Variants in FRAS1 observed in about 807,000 individuals in gnomAD.
FRAS1 encodes the protein Fraser extracellular matrix complex subunit 1.
Under a neutral mutation model 435.2 loss-of-function variants are expected in FRAS1, and 290 were observed. The ratio of observed to expected loss-of-function variants is 0.67; its 90% CI spans 0.61 to 0.73. The LOEUF (loss-of-function observed/expected upper bound fraction) is 0.73, where lower values mean the gene tolerates loss of function less well. Among genes scored for constraint, FRAS1 ranks in the 30% least tolerant of loss-of-function variants. The probability of loss-of-function intolerance (pLI) is 0.00; values close to 1 mark genes in which losing one functional copy is unlikely to be tolerated. For synonymous variants in FRAS1, 1,800 were observed against 1,851.0 expected (o/e 0.97, Z 0.71); for missense variants, 4,860 against 5,001.5 (o/e 0.97, Z 0.85).
chr4:78,248,834 A>G (rs1016331341), intron 4 of FRAS1, among the ~76,000 whole-genome samples: 3 of 151,758 alleles, frequency 2.0e-5, no homozygotes, highest in African/African-American at 7.3e-5. Context: ...AGGAGAATAT[A>G]TTTAAGATGT....
intron 2 of FRAS1, among the ~76,000 whole-genome samples, chr4:78,203,469 A>T (rs749822368): frequency 2.0e-5 from 3 of 152,218 alleles, no homozygotes; most frequent in Non-Finnish European, 2.9e-5. Flanking sequence ...GAAAAATTTG[A>T]GTCTCTTGAA....
At chr4:78,288,580 C>G (rs1210625067) in intron 14 of FRAS1, among the ~76,000 whole-genome samples, 2 of 152,126 alleles carry the variant, frequency 1.3e-5, no homozygotes, top group Non-Finnish European at 2.9e-5. Context: ...ACACAAATGC[C>G]TCTAGTAGAA....
At chr4:78,489,968 C>CAAAACA (rs1553891076) in intron 59 of FRAS1, among the ~76,000 whole-genome samples, 1 of 92,598 alleles carries the variant, frequency 1.1e-5, no homozygotes, top group Non-Finnish European at 2.1e-5. Flanking sequence ...TAGTGGAAAA[C>CAAAACA]AAAAAAAAAA....
chr4:78,375,769 A>G lies in FRAS1; in HGVS notation c.3182A>G (p.His1061Arg). The G allele has an allele frequency of 6.2e-7, 1 of 1,608,116 alleles. No homozygotes were observed. The highest frequency in any genetic ancestry group is 8.5e-7 in the Non-Finnish European group (1 of 1,176,930). ...ACPQGCLQCS[H>R]RDRCHLCDHG... is the part of the protein sequence containing the mutation. ...CCTCAGGGGTGCTTGCAGTGCAGCC[A>G]CAGGGACCGTTGTCACCTCTGTGAC... Residue 1061 changes from histidine (H) to arginine (R), a missense_variant, in exon 26 of 74, where the codon CAC becomes CGC. His to Arg is a conservative substitution (Grantham distance 29). Transcript: ENST00000512123.
chr4:78,452,106 C>T (rs1229937316), intron 46 of FRAS1, 69 bp from the exon 47 acceptor site: 2 of 1,514,546 alleles, frequency 1.3e-6, no homozygotes, highest in Non-Finnish European at 9.1e-7. Flanking sequence ...CTTCTTGGCA[C>T]CAGGCCTAGA....
intron 35 of FRAS1, among the ~76,000 whole-genome samples, chr4:78,428,128 A>G (rs561888865): frequency 2.9e-4 from 44 of 152,330 alleles, no homozygotes; most frequent in Middle Eastern, 3.4e-3. Flanking sequence ...GGGTGAGGCA[A>G]TTCTGCTCTC....
Position 78,317,459 on chromosome 4 carries a change from T to G in FRAS1, c.1911T>G (p.Cys637Trp). Residue 637 changes from cysteine (C) to tryptophan (W), a missense_variant, in exon 17 of 74, where the codon TGT (cysteine) becomes TGG (tryptophan). Physicochemically the swap from Cys to Trp is radical, Grantham distance 215. Coordinates refer to ENST00000512123, the MANE Select transcript of FRAS1 (RefSeq NM_025074.7). Reference sequence around the variant, plus strand: ...CCAAGGCTCTGCGTCAAGGCCACTGTCTGCCCCGCTGTGGAGAGGGTTTCT... The same window carrying G: ...CCAAGGCTCTGCGTCAAGGCCACTGGCTGCCCCGCTGTGGAGAGGGTTTCT... ...SPPKALRQGH[C>W]LPRCGEGFYS... 1 of 1,613,892 alleles carries G rather than the reference T, an allele frequency of 6.2e-7. No homozygotes were observed. Among genetic ancestry groups the G allele is most frequent in the South Asian group, 1.1e-5 (1 of 91,076 alleles).
intron 2 of FRAS1, among the ~76,000 whole-genome samples, chr4:78,173,569 A>G (rs1721643429): frequency 6.6e-6 from 1 of 152,178 alleles, no homozygotes; most frequent in African/African-American, 2.4e-5. Flanking sequence ...TGCCTTCTAC[A>G]CATGAGAGGC....
intron 61 of FRAS1, among the ~76,000 whole-genome samples, chr4:78,502,121 C>T (rs1222720599): frequency 6.6e-6 from 1 of 152,130 alleles, no homozygotes; most frequent in African/African-American, 2.4e-5. Context: ...GTTACTGTAG[C>T]CATGTAGTAT....
At position 78,446,724 on chromosome 4, in the gene FRAS1, C is replaced by T; in HGVS notation, c.5857-3C>T. ...GAGATCTAATAGTTTATGCTTTAAT[C>T]AGAGGAAGAACGATGAGCCTCCCAG... On this transcript the variant is annotated splice_region_variant and splice_polypyrimidine_tract_variant and intron_variant, in intron 42 of 73. Coordinates refer to ENST00000512123, the MANE Select transcript of FRAS1 (RefSeq NM_025074.7). 6.2e-7 allele frequency: 1 copy of T among 1,611,416 alleles called. No individual in the cohort carries two copies.
At chr4:78,325,860 G>T (rs1430206291) in intron 18 of FRAS1, among the ~76,000 whole-genome samples, 2 of 152,186 alleles carry the variant, frequency 1.3e-5, no homozygotes, top group African/African-American at 4.8e-5. Flanking sequence ...GCCTTTGAAG[G>T]ATTAATGGGA....
intron 58 of FRAS1, among the ~76,000 whole-genome samples, 149 bp from the exon 59 acceptor site, chr4:78,488,720 TTTGGAA>T (rs1234964493): frequency 5.3e-5 from 8 of 152,164 alleles, no homozygotes; most frequent in African/African-American, 1.7e-4. Context: ...ACAACCATGC[TTTGGAA>T]TCTGCTTGCC....
In FRAS1 at chr4:78,530,198, A is replaced by G. The variant is rs76835045; in HGVS notation, c.10925+3541A>G. On this transcript the variant is annotated intron_variant, in intron 70 of 73. Coordinates refer to ENST00000512123, the MANE Select transcript of FRAS1 (RefSeq NM_025074.7). ...TGTGTAAGTAGAGTTTCTCCAGGGT[A>G]GGTTCTGGATTTTTTAAGGGGAGAG... 4.4e-3 allele frequency among the ~76,000 whole-genome samples: 664 copies of G among 152,016 alleles called. 9 individuals are homozygous for G. The highest frequency in any genetic ancestry group is 0.023 in the East Asian group (119 of 5,168).
intron 2 of FRAS1, among the ~76,000 whole-genome samples, chr4:78,087,182 T>C (rs2109888960): frequency 6.6e-6 from 1 of 152,360 alleles, no homozygotes; most frequent in South Asian, 2.1e-4. Flanking sequence ...ACCACATGAT[T>C]ATCTCAATAG....
intron 29 of FRAS1, among the ~76,000 whole-genome samples, chr4:78,394,553 TC>T (rs35549363): frequency 0.24 from 36,671 of 151,958 alleles, 4,813 homozygotes; most frequent in Admixed American, 0.31. Flanking sequence ...CTTATTCTGT[TC>T]CACTGGTCTA....
rs772288910 is a variant in FRAS1, at chr4:78,255,296, G to A, written c.524G>A (p.Ser175Asn). Reference protein sequence around the residue: ...VFQDGEDWRLSRCAKCLCRNG... With the variant: ...VFQDGEDWRLNRCAKCLCRNG... ...CAGGATGGGGAGGACTGGCGGCTGA[G>A]CCGGTGTGCCAAATGTCTGTGTAGA... Residue 175 changes from serine to asparagine, a missense_variant, in exon 6 of 74, where the codon AGC (serine) becomes AAC (asparagine). Ser to Asn is a conservative substitution (Grantham distance 46). Coordinates refer to ENST00000512123, the MANE Select transcript of FRAS1 (RefSeq NM_025074.7). 1.7e-4 allele frequency: 261 copies of A among 1,559,366 alleles called. No homozygotes were observed. Among genetic ancestry groups the A allele is most frequent in the Non-Finnish European group, 2.2e-4 (249 of 1,151,032 alleles).
chr4:78,220,098 A>G (rs2110095313), intron 2 of FRAS1, among the ~76,000 whole-genome samples: 1 of 152,284 alleles, frequency 6.6e-6, no homozygotes, highest in Middle Eastern at 3.4e-3. Context: ...CTCTCATTTT[A>G]TCATCTCCAA....
chr4:78,120,359 G>T (rs1023486046), intron 2 of FRAS1, among the ~76,000 whole-genome samples: 2 of 152,132 alleles, frequency 1.3e-5, no homozygotes, highest in Admixed American at 6.5e-5. Flanking sequence ...TTATCTCTGA[G>T]GTTTAACTTA....
At chr4:78,241,196 GT>G (rs749275542) in intron 3 of FRAS1, among the ~76,000 whole-genome samples, 9 of 152,142 alleles carry the variant, frequency 5.9e-5, no homozygotes, top group Non-Finnish European at 1.2e-4. Flanking sequence ...CATCTGAGAG[GT>G]TTCTCTGAAT....
Sources: gnomAD v4.1 joint callset for allele counts (sites outside exome capture counted in the v4.1 genomes callset) on GRCh38, gnomAD v4.1.1 for gene constraint, MANE v1.5 for transcripts, NCBI Gene and HGNC (gene_info 2026-07-23, HGNC 2026-07-21) for gene names.